SCIN: variants seen among roughly 807,000 people sequenced by gnomAD.
SCIN encodes adseverin.
A neutral mutation model predicts 91.8 loss-of-function variants in SCIN; 91 were observed. The ratio of observed to expected loss-of-function variants is 0.99; its 90% CI spans 0.84 to 1.18. The LOEUF is 1.18. Among genes scored for constraint, SCIN ranks in the 50% most tolerant of loss-of-function variants. SCIN has a pLI of 0.00. For missense variants in SCIN, 1,087 were observed against 863.9 expected, an observed-to-expected ratio of 1.26 and a Z score of -3.24; for synonymous variants, 367 against 312.6, an observed-to-expected ratio of 1.17 and a Z score of -1.84.
chr7:12,652,693 G>A lies in SCIN; in HGVS notation c.2126G>A (p.Gly709Asp). 1.9e-6 allele frequency: 3 copies of A among 1,604,120 alleles called. No homozygotes were observed. The highest frequency in any genetic ancestry group is 2.5e-6 in the Non-Finnish European group (3 of 1,176,836). Reference sequence around the variant, plus strand: ...CCCACATTCACAGGCTGGTTCCTGGGCTGGGATTCCAGCAAGTGGTAAATT... The same window carrying A: ...CCCACATTCACAGGCTGGTTCCTGGACTGGGATTCCAGCAAGTGGTAAATT... ...EPPTFTGWFL[G>D]WDSSKW Residue 709 changes from glycine to aspartate, a missense_variant, in exon 16 of 16, where the codon GGC (glycine) becomes GAC (aspartate). Coordinates refer to ENST00000297029, the MANE Select transcript of SCIN (RefSeq NM_001112706.3).
intron 13 of SCIN, among the ~76,000 whole-genome samples, chr7:12,647,953 C>G (rs919209373): frequency 2.0e-5 from 3 of 152,104 alleles, no homozygotes; most frequent in Non-Finnish European, 4.4e-5. Context: ...GGCCAACGCC[C>G]CAGTCAGCTC....
At chr7:12,587,435 A>T (rs1047535649) in intron 3 of SCIN, among the ~76,000 whole-genome samples, 1 of 152,206 alleles carries the variant, frequency 6.6e-6, no homozygotes, top group Non-Finnish European at 1.5e-5. Flanking sequence ...AGGTGTAGTC[A>T]TTCCATTAAT....
chr7:12,579,965 T>G (rs1283046163), intron 2 of SCIN, among the ~76,000 whole-genome samples: 1 of 152,204 alleles, frequency 6.6e-6, no homozygotes, highest in Non-Finnish European at 1.5e-5. Flanking sequence ...TATATAATAC[T>G]TAGTTTATTC....
intron 1 of SCIN, among the ~76,000 whole-genome samples, chr7:12,574,412 TTA>T (rs1377305285): frequency 6.6e-6 from 1 of 152,034 alleles, no homozygotes; most frequent in Non-Finnish European, 1.5e-5. Flanking sequence ...GAAGAGTGTA[TTA>T]TAAAAGGGCA....
chr7:12,647,970 A>G (rs1489918141), intron 13 of SCIN, among the ~76,000 whole-genome samples: 1 of 152,162 alleles, frequency 6.6e-6, no homozygotes. Context: ...GCTCCATAGC[A>G]CCGCAAAGTC....
chr7:12,644,326 T>C lies in SCIN; in HGVS notation c.1759+11T>C, dbSNP rs1783915492. ...AAGGCGAGGAGCCAGGTGTGTGCTC[T>C]GGGGCCAAGGGCACTAACTAGAATT... On this transcript the variant is annotated intron_variant, in intron 12 of 15. Coordinates refer to ENST00000297029, the MANE Select transcript of SCIN (RefSeq NM_001112706.3). 2 of 1,573,346 alleles carry C rather than the reference T, an allele frequency of 1.3e-6. No homozygotes were observed. Among genetic ancestry groups the C allele is most frequent in the Non-Finnish European group, 1.7e-6 (2 of 1,158,860 alleles).
rs949283545 is a variant in SCIN, at chr7:12,622,816, C to T, written c.682C>T (p.Pro228Ser). Reference sequence around the variant, plus strand: ...TTTTTTCCAGGTCTTAGGGGAAAAGCCAGAGCTTCCAGATGGAGGTGATGA... The same window carrying T: ...TTTTTTCCAGGTCTTAGGGGAAAAGTCAGAGCTTCCAGATGGAGGTGATGA... ...SELIKVLGEK[P>S]ELPDGGDDDD... Residue 228 changes from proline (P) to serine (S), a missense_variant, in exon 5 of 16, where the codon CCA becomes TCA. Physicochemically the swap from Pro to Ser is moderately conservative, Grantham distance 74 (BLOSUM62 -1). Coordinates refer to ENST00000297029, the MANE Select transcript of SCIN (RefSeq NM_001112706.3). 3 of 1,612,692 alleles carry T rather than the reference C, an allele frequency of 1.9e-6. No homozygotes were observed. The highest frequency in any genetic ancestry group is 2.2e-5 in the East Asian group (1 of 44,836).
At chr7:12,625,231 A>C (rs1783490460) in intron 6 of SCIN, 89 bp downstream of exon 6, 1 of 1,221,722 alleles carries the variant, frequency 8.2e-7, no homozygotes, top group Non-Finnish European at 1.1e-6. Flanking sequence ...GATTTTAAAA[A>C]AAAGCCCACC....
intron 4 of SCIN, among the ~76,000 whole-genome samples, chr7:12,615,030 A>G (rs849793): frequency 0.097 from 14,808 of 152,172 alleles, 760 homozygotes; most frequent in Middle Eastern, 0.16. Flanking sequence ...AAATAAGAAT[A>G]AGAAATCTGT....
intron 11 of SCIN, among the ~76,000 whole-genome samples, chr7:12,641,545 T>C (rs1050476579): frequency 3.9e-5 from 6 of 152,180 alleles, no homozygotes; most frequent in African/African-American, 1.4e-4. Context: ...AGCCATTATC[T>C]CACTATTTCC....
At chr7:12,603,307 G>A (rs1268382437) in intron 3 of SCIN, among the ~76,000 whole-genome samples, 1 of 151,950 alleles carries the variant, frequency 6.6e-6, no homozygotes, top group Non-Finnish European at 1.5e-5. Context: ...ACTACACCTG[G>A]CTAATTTTTT....
Position 12,652,832 on chromosome 7 carries a change from G to T in SCIN, c.*117G>T. On this transcript the variant is annotated 3_prime_UTR_variant, in exon 16 of 16. Transcript: ENST00000297029. The stretch of plus-strand genomic sequence containing the variant: ...TCTTTTGAAAATTAAGGCTGGGCGC[G>T]GTGGCTCACACCTGTAATCCCAGCA... 2 of 1,285,000 alleles carry T rather than the reference G, an allele frequency of 1.6e-6. No homozygotes were observed. Among genetic ancestry groups the T allele is most frequent in the South Asian group, 2.7e-5 (2 of 73,840 alleles). The allele number at this position is 1,285,000 out of a possible 1,614,324, so 79.6% of individuals were successfully genotyped here. A position where few individuals can be genotyped will look rare whatever the true frequency, so the allele number is the denominator to read the frequency against.
intron 13 of SCIN, 39 bp from the exon 14 acceptor site, chr7:12,649,428 G>T: frequency 7.3e-7 from 1 of 1,378,534 alleles, no homozygotes; most frequent in South Asian, 1.3e-5. Flanking sequence ...AAAAATTACT[G>T]CTTTACTTTT....
chr7:12,596,416 T>C (rs560749234), intron 3 of SCIN: 5 of 455,472 alleles, frequency 1.1e-5, no homozygotes, highest in African/African-American at 2.0e-5. Context: ...GCATTCACTT[T>C]AGTGCAACAG....
At chr7:12,572,192 G>A (rs1467962710) in intron 1 of SCIN, among the ~76,000 whole-genome samples, 3 of 152,186 alleles carry the variant, frequency 2.0e-5, no homozygotes, top group Non-Finnish European at 4.4e-5. Context: ...TGAAAAATAC[G>A]TAGATGAAGA....
intron 1 of SCIN, among the ~76,000 whole-genome samples, chr7:12,573,131 T>G (rs1782302264): frequency 1.3e-5 from 2 of 152,172 alleles, no homozygotes; most frequent in African/African-American, 4.8e-5. Context: ...CTCTTCCTAC[T>G]TCAGTTCCCT....
intron 7 of SCIN, 182 bp from the exon 8 acceptor site, chr7:12,626,397 TCTCTC>T (rs1783522454): frequency 1.8e-6 from 1 of 567,344 alleles, no homozygotes; most frequent in African/African-American, 1.9e-5. Flanking sequence ...ACTTGATTCT[TCTCTC>T]AAATATTCAA....
intron 3 of SCIN, among the ~76,000 whole-genome samples, chr7:12,591,501 A>G (rs981616831): frequency 3.9e-5 from 6 of 152,174 alleles, no homozygotes; most frequent in African/African-American, 1.4e-4. Context: ...TGTTGTCCTA[A>G]GACACCGAGG....
chr7:12,625,145 A>C lies in SCIN; in HGVS notation c.892+3A>C. Reference sequence around the variant, plus strand: ...CAAACAAATTTTCGTATGGAAAGGTAAAAAATTCCATTGACGATGCTGTAT... The same window carrying C: ...CAAACAAATTTTCGTATGGAAAGGTCAAAAATTCCATTGACGATGCTGTAT... On this transcript the variant is annotated splice_donor_region_variant and intron_variant, in intron 6 of 15. Transcript: ENST00000297029. The C allele has an allele frequency of 6.2e-7, 1 of 1,607,076 alleles. No individual in the cohort carries two copies. Among genetic ancestry groups the C allele is most frequent in the Non-Finnish European group, 8.5e-7 (1 of 1,176,878 alleles).
Sources: gnomAD v4.1 joint callset for allele counts (sites outside exome capture counted in the v4.1 genomes callset) on GRCh38, gnomAD v4.1.1 for gene constraint, MANE v1.5 for transcripts, NCBI Gene and HGNC (gene_info 2026-07-23, HGNC 2026-07-21) for gene names.